Variants in ZNF423 observed in about 807,000 individuals in gnomAD.
The protein encoded by ZNF423 is Ebf-associated zinc finger protein.
In ZNF423, 12 loss-of-function variants were observed where a neutral mutation model predicts 95.8. That is an observed-to-expected ratio of 0.13 (90% CI 0.08 to 0.20). ZNF423 has a LOEUF of 0.20. Ranked by LOEUF, ZNF423 falls within the 10% of genes least tolerant of loss-of-function variation. ZNF423 has a pLI of 1.00. For synonymous variants in ZNF423, 749 were observed against 711.9 expected (o/e 1.05, Z -0.83); for missense variants, 1,316 against 1,737.1 (o/e 0.76, Z 4.31).
chr16:49,852,819 G>C (rs2035316453), intron 1 of ZNF423, among the ~76,000 whole-genome samples: 1 of 151,444 alleles, frequency 6.6e-6, no homozygotes, highest in African/African-American at 2.4e-5. Context: ...CCTGTGAGCT[G>C]GGTTTTCCAA....
intron 3 of ZNF423, among the ~76,000 whole-genome samples, chr16:49,686,323 T>G (rs1012466967): frequency 5.9e-5 from 9 of 152,124 alleles, no homozygotes; most frequent in Non-Finnish European, 1.3e-4. Flanking sequence ...GCAACCTTCC[T>G]TAGCATCATC....
At chr16:49,854,762 C>T (rs1432098302) in intron 1 of ZNF423, 2 of 985,274 alleles carry the variant, frequency 2.0e-6, no homozygotes, top group East Asian at 1.1e-4. Flanking sequence ...CCTCTACTCT[C>T]CAGGGGTCCC....
intron 7 of ZNF423, among the ~76,000 whole-genome samples, chr16:49,506,256 T>C (rs1295041397): frequency 6.6e-6 from 1 of 152,034 alleles, no homozygotes; most frequent in Non-Finnish European, 1.5e-5. Flanking sequence ...AGATGGATGG[T>C]AGATGATGGA....
intron 5 of ZNF423, among the ~76,000 whole-genome samples, chr16:49,574,714 T>C (rs1970444657): frequency 7.4e-6 from 1 of 135,016 alleles, no homozygotes; most frequent in African/African-American, 2.7e-5. Context: ...GCACTCCAGG[T>C]CGTGCATCCC....
chr16:49,614,726 C>T (rs1971821718), intron 5 of ZNF423, among the ~76,000 whole-genome samples: 1 of 152,118 alleles, frequency 6.6e-6, no homozygotes, highest in Non-Finnish European at 1.5e-5. Context: ...GTACAGAGGA[C>T]CTCTATGTGA....
chr16:49,857,281 G>A (rs2035381279), upstream of ZNF423, among the ~76,000 whole-genome samples: 1 of 148,372 alleles, frequency 6.7e-6, no homozygotes, highest in Non-Finnish European at 1.5e-5. The surrounding 1 kb of genome is among the most constrained non-coding windows in gnomAD (Gnocchi z 6.2). Context: ...TACAGCTCCG[G>A]CCGCCCGCAA....
chr16:49,695,917 C>T (rs1036973437), intron 3 of ZNF423, among the ~76,000 whole-genome samples: 1 of 152,208 alleles, frequency 6.6e-6, no homozygotes, highest in Non-Finnish European at 1.5e-5. Flanking sequence ...CTCCCTACAA[C>T]CCTGAGGTGG....
At chr16:49,731,649 C>CAA (rs34479098) in intron 2 of ZNF423, among the ~76,000 whole-genome samples, 2,134 of 146,582 alleles carry the variant, frequency 0.015, 35 homozygotes, top group Middle Eastern at 0.08. Flanking sequence ...TCTATCTCTA[C>CAA]AAAAAAAAAA....
At chr16:49,615,609 G>T (rs1971850898) in intron 5 of ZNF423, among the ~76,000 whole-genome samples, 1 of 152,174 alleles carries the variant, frequency 6.6e-6, no homozygotes, top group Non-Finnish European at 1.5e-5. Flanking sequence ...TCCCCCAGCT[G>T]CTGGTGAAAC....
At chr16:49,724,909 TC>T (rs1311160618) in intron 3 of ZNF423, among the ~76,000 whole-genome samples, 1 of 151,826 alleles carries the variant, frequency 6.6e-6, no homozygotes, top group Non-Finnish European at 1.5e-5. Context: ...TTCAACAAAG[TC>T]CCCCCTCTTG....
chr16:49,835,465 G>A (rs1160113217), intron 1 of ZNF423, among the ~76,000 whole-genome samples: 1 of 152,224 alleles, frequency 6.6e-6, no homozygotes, highest in Non-Finnish European at 1.5e-5. Flanking sequence ...GAGGAAGGCA[G>A]GAAATGGCAA....
At chr16:49,760,143 G>T (rs1232668747) in intron 2 of ZNF423, among the ~76,000 whole-genome samples, 1 of 140,382 alleles carries the variant, frequency 7.1e-6, no homozygotes, top group Non-Finnish European at 1.5e-5. Flanking sequence ...GTGGATGGGT[G>T]GGTGGGGTGG....
At chr16:49,799,379 G>A (rs1411186490) in intron 1 of ZNF423, among the ~76,000 whole-genome samples, 2 of 152,204 alleles carry the variant, frequency 1.3e-5, no homozygotes, top group Non-Finnish European at 2.9e-5. Flanking sequence ...TGAGTTTTGA[G>A]CAGTGAGATC....
chr16:49,724,920 G>GT (rs2042261298), intron 3 of ZNF423, among the ~76,000 whole-genome samples: 2 of 152,160 alleles, frequency 1.3e-5, no homozygotes, highest in East Asian at 1.9e-4. Context: ...CCCCCCTCTT[G>GT]TTTTTTTGGA....
At chr16:49,722,308 G>A (rs1157322098) in intron 3 of ZNF423, among the ~76,000 whole-genome samples, 1 of 152,200 alleles carries the variant, frequency 6.6e-6, no homozygotes, top group African/African-American at 2.4e-5. Flanking sequence ...CTGCTAGCAG[G>A]TCAGCATCTT....
At chr16:49,743,142 C>T (rs941339495) in intron 2 of ZNF423, among the ~76,000 whole-genome samples, 3 of 152,166 alleles carry the variant, frequency 2.0e-5, no homozygotes, top group Admixed American at 6.5e-5. Context: ...GCCCCGCTGC[C>T]GCCCGCCTTC....
intron 3 of ZNF423, among the ~76,000 whole-genome samples, chr16:49,698,543 T>G (rs2032058724): frequency 6.6e-6 from 1 of 152,246 alleles, no homozygotes; most frequent in African/African-American, 2.4e-5. Flanking sequence ...CCTGGGCTCC[T>G]TCTGGGCTCT....
chr16:49,802,458 A>G (rs2034597211), intron 1 of ZNF423, among the ~76,000 whole-genome samples: 1 of 152,218 alleles, frequency 6.6e-6, no homozygotes, highest in Admixed American at 6.5e-5. Context: ...TCTGGTTTGT[A>G]GGGTTTGCCA....
At position 49,846,089 on chromosome 16, in the gene ZNF423, G is replaced by T. The variant is rs34716959; in HGVS notation, c.40+9646C>A. Among the ~76,000 whole-genome samples the T allele has an allele frequency of 7.4e-3, 1,133 of 152,094 alleles. 47 individuals carry two copies. Among genetic ancestry groups the T allele is most frequent in the Admixed American group, 0.069 (1,054 of 15,282 alleles). ...GGCCGAGGCAGGCGGATTACCTGAG[G>T]TTAGGAGTTCGAGACCAGCCTGGCC... On this transcript the variant is annotated intron_variant, in intron 1 of 7. Transcript: ENST00000563137.
Sources: gnomAD v4.1 joint callset for allele counts (sites outside exome capture counted in the v4.1 genomes callset) on GRCh38, gnomAD v4.1.1 for gene constraint, Gnocchi (gnomAD v3.1) non-coding constraint, MANE v1.5 for transcripts, NCBI Gene and HGNC (gene_info 2026-07-23, HGNC 2026-07-21) for gene names.